Variants in TENM2 observed in about 807,000 individuals in gnomAD.
The protein encoded by TENM2 is teneurin-2.
In TENM2, 52 loss-of-function variants were observed where a neutral mutation model predicts 245.2. That is an observed-to-expected ratio of 0.21 (90% CI 0.17 to 0.27). The LOEUF is 0.27. Ranked by LOEUF, TENM2 falls within the 10% of genes least tolerant of loss-of-function variation. The pLI is 1.00. For missense variants in TENM2, 3,046 were observed against 3,666.8 expected, an observed-to-expected ratio of 0.83 and a Z score of 4.37; for synonymous variants, 1,363 against 1,438.9, an observed-to-expected ratio of 0.95 and a Z score of 1.19.
intron 1 of TENM2, among the ~76,000 whole-genome samples, chr5:167,362,129 A>C (rs1227772663): frequency 6.6e-6 from 1 of 152,192 alleles, no homozygotes; most frequent in South Asian, 2.1e-4. Context: ...AACCTACGAC[A>C]TGTGTTTGGA....
intron 2 of TENM2, among the ~76,000 whole-genome samples, chr5:167,698,194 AG>A (rs1757894674): frequency 2.0e-5 from 3 of 152,200 alleles, no homozygotes; most frequent in Non-Finnish European, 4.4e-5. Flanking sequence ...CTCCTTTACC[AG>A]TAACTCCCTG....
At chr5:167,895,593 C>T (rs1437635598) in intron 3 of TENM2, among the ~76,000 whole-genome samples, 1 of 152,202 alleles carries the variant, frequency 6.6e-6, no homozygotes, top group East Asian at 1.9e-4. Context: ...CAGAGGTTCT[C>T]ACTCTCAAAT....
intron 2 of TENM2, among the ~76,000 whole-genome samples, chr5:167,508,322 C>T (rs931836564): frequency 6.6e-6 from 1 of 152,086 alleles, no homozygotes; most frequent in Non-Finnish European, 1.5e-5. Flanking sequence ...AGTACAGCAC[C>T]AAGCACAAAG....
At chr5:168,162,639 C>A in exon 13 of TENM2, 1 of 1,613,966 alleles carries the variant, frequency 6.2e-7, no homozygotes, top group Non-Finnish European at 8.5e-7. Context: ...GCAACGGTAA[C>A]GGGAGATGCA....
upstream of TENM2, among the ~76,000 whole-genome samples, chr5:167,284,221 C>T (rs184589253): frequency 6.6e-6 from 1 of 152,174 alleles, no homozygotes; most frequent in Admixed American, 6.6e-5. Context: ...TTCTTATTCT[C>T]CAGACAAAGC....
chr5:168,162,485 C>T (rs1445285466), intron 12 of TENM2, 126 bp from the exon 15 acceptor site: 13 of 955,160 alleles, frequency 1.4e-5, no homozygotes, highest in African/African-American at 9.8e-5. Flanking sequence ...GGAAGGCAGG[C>T]GCGGGCCCCA....
the TENM2 span, among the ~76,000 whole-genome samples, chr5:167,242,052 T>TC: frequency 6.6e-6 from 1 of 150,588 alleles, no homozygotes; most frequent in Non-Finnish European, 1.5e-5. Context: ...TTTTGTTTTT[T>TC]TTTTTTTTTG....
chr5:167,265,953 C>T, the TENM2 span, among the ~76,000 whole-genome samples: 1 of 152,036 alleles, frequency 6.6e-6, no homozygotes, highest in African/African-American at 2.4e-5. Context: ...ATGAAACTGG[C>T]ATTGCAATGA....
chr5:167,843,634 T>C (rs1769756910), intron 2 of TENM2, among the ~76,000 whole-genome samples: 1 of 152,146 alleles, frequency 6.6e-6, no homozygotes, highest in South Asian at 2.1e-4. Context: ...AAAATAGAGA[T>C]TATAGATGGT....
chr5:167,157,408 T>G, the TENM2 span, among the ~76,000 whole-genome samples: 1 of 152,328 alleles, frequency 6.6e-6, no homozygotes, highest in African/African-American at 2.4e-5. Flanking sequence ...TTACATAAAT[T>G]TGACACTTTC....
chr5:167,509,090 T>C (rs956066325), intron 2 of TENM2, among the ~76,000 whole-genome samples: 92 of 152,200 alleles, frequency 6.0e-4, no homozygotes, highest in Non-Finnish European at 2.9e-5. Context: ...AGTACTGGGA[T>C]TGTAGGTGTG....
intron 2 of TENM2, among the ~76,000 whole-genome samples, chr5:167,676,622 A>C (rs1582722943): frequency 6.6e-6 from 1 of 152,256 alleles, no homozygotes; most frequent in East Asian, 1.9e-4. Flanking sequence ...CACAGAAAGA[A>C]GACTTCCTGG....
chr5:168,027,991 G>A (rs1207703303), intron 5 of TENM2, among the ~76,000 whole-genome samples: 1 of 152,192 alleles, frequency 6.6e-6, no homozygotes, highest in Non-Finnish European at 1.5e-5. Flanking sequence ...TGCAGAGCAA[G>A]TTTAGTGAGG....
the TENM2 span, among the ~76,000 whole-genome samples, chr5:167,200,163 G>A: frequency 6.6e-6 from 1 of 151,800 alleles, no homozygotes; most frequent in African/African-American, 2.4e-5. Flanking sequence ...CTTTGTGTGT[G>A]TGTGTGTGTG....
chr5:167,014,343 AAAAC>A, the TENM2 span, among the ~76,000 whole-genome samples: 1 of 152,096 alleles, frequency 6.6e-6, no homozygotes, highest in East Asian at 1.9e-4. Context: ...GAAAAAATGA[AAAAC>A]AAACAAAACA....
chr5:168,006,055 A>G (rs886744313), intron 5 of TENM2, among the ~76,000 whole-genome samples: 1 of 152,182 alleles, frequency 6.6e-6, no homozygotes, highest in African/African-American at 2.4e-5. Flanking sequence ...TTCGTGAAAA[A>G]ACAGAAGTTC....
At chr5:167,823,868 G>A (rs1358118644) in intron 2 of TENM2, among the ~76,000 whole-genome samples, 3 of 152,108 alleles carry the variant, frequency 2.0e-5, no homozygotes, top group African/African-American at 7.2e-5. Context: ...GGGGGCTGGG[G>A]AAGTAGAGAA....
intron 2 of TENM2, among the ~76,000 whole-genome samples, chr5:167,584,718 G>A (rs1282111017): frequency 3.3e-5 from 5 of 149,750 alleles, no homozygotes; most frequent in Non-Finnish European, 5.9e-5. Context: ...TTTTTCAGAC[G>A]GAGTCTCGCT....
At position 168,253,929 on chromosome 5, in the gene TENM2, G is replaced by A. The variant is rs554890672; in HGVS notation, c.7432+5558G>A. On this transcript the variant is annotated intron_variant, in intron 27 of 28. Transcript: ENST00000518659. ...TTTGAGTTCAGTGACCCTCCTAGACGTGGCCCATGATGATGCATATATCCC... is the reference window on the plus strand; with the variant it reads ...TTTGAGTTCAGTGACCCTCCTAGACATGGCCCATGATGATGCATATATCCC... 7.9e-5 allele frequency among the ~76,000 whole-genome samples: 12 copies of A among 152,300 alleles called. No homozygotes were observed. In the South Asian group the frequency reaches 1.2e-3, roughly 16 times the overall value.
Sources: gnomAD v4.1 joint callset for allele counts (sites outside exome capture counted in the v4.1 genomes callset) on GRCh38, gnomAD v4.1.1 for gene constraint, MANE v1.5 for transcripts, NCBI Gene and HGNC (gene_info 2026-07-23, HGNC 2026-07-21) for gene names.